The following PARP6 variants were observed in gnomAD, a reference collection of about 807,000 sequenced individuals.
PARP6 encodes the protein protein mono-ADP-ribosyltransferase PARP6.
PARP6 carries 27 observed loss-of-function variants against 92.0 expected under a neutral mutation model. The ratio of observed to expected loss-of-function variants is 0.29; its 90% CI spans 0.22 to 0.40. The LOEUF is 0.40. Ranked by LOEUF, PARP6 falls within the 10% of genes least tolerant of loss-of-function variation. The probability of loss-of-function intolerance (pLI) is 1.00; values close to 1 mark genes in which losing one functional copy is unlikely to be tolerated. For missense variants in PARP6, 501 were observed against 784.5 expected (o/e 0.64, Z 4.32); for synonymous variants, 272 against 281.2 (o/e 0.97, Z 0.33).
At chr15:72,249,993 A>C (rs1447689770) in intron 19 of PARP6, 27 bp downstream of exon 19, 1 of 1,481,052 alleles carries the variant, frequency 6.8e-7, no homozygotes, top group Non-Finnish European at 9.4e-7. Flanking sequence ...GCGGTTAGAA[A>C]TAAAGGAGAA....
At chr15:72,264,493 A>C (rs561838067) in intron 8 of PARP6, 62 bp downstream of exon 8, 2 of 1,251,146 alleles carry the variant, frequency 1.6e-6, no homozygotes, top group East Asian at 2.3e-5. Context: ...GTCCATCCAT[A>C]TATTTCCACC....
chr15:72,267,038 G>T, intron 3 of PARP6: 1 of 539,670 alleles, frequency 1.9e-6, no homozygotes, highest in Non-Finnish European at 3.3e-6. Flanking sequence ...TAGTGGGACA[G>T]AGGAAAACAT....
intron 8 of PARP6, 27 bp from the exon 9 acceptor site, chr15:72,261,734 G>T (rs2085917170): frequency 1.2e-6 from 2 of 1,610,086 alleles, no homozygotes; most frequent in Non-Finnish European, 1.7e-6. Context: ...AATGAGCTTA[G>T]GCAAGATGAG....
Position 72,242,288 on chromosome 15 carries a change from G to A in PARP6, c.1642-68C>T, listed in dbSNP as rs2083143959. ...GGTACAGCTTTCCCTAGAGAGGCTG[G>A]TTAGCTGATGATTGGGAGTGGGGAT... On this transcript the variant is annotated intron_variant, in intron 21 of 23. Coordinates refer to ENST00000569795, the MANE Select transcript of PARP6 (RefSeq NM_001323532.2). The surrounding 1 kb of genome is among the most constrained non-coding windows in gnomAD (Gnocchi z 4.3). 4.0e-6 allele frequency: 5 copies of A among 1,258,398 alleles called. 1 individual carries two copies. The highest frequency in any genetic ancestry group is 5.8e-6 in the Non-Finnish European group (5 of 860,286). The allele number at this position is 1,258,398 out of a possible 1,614,324, so 78.0% of individuals were successfully genotyped here.
intron 17 of PARP6, 54 bp from the exon 18 acceptor site, chr15:72,251,008 G>C: frequency 1.5e-6 from 2 of 1,341,092 alleles, no homozygotes; most frequent in Non-Finnish European, 2.1e-6. Flanking sequence ...ATCGAGATCA[G>C]GGAGGGAAGG....
In PARP6 at chr15:72,250,825, C is replaced by A; in HGVS notation, c.1418+20G>T. On this transcript the variant is annotated intron_variant, in intron 18 of 23. Transcript: ENST00000569795. ...CCCGCCCCCTCACCACCCCCACTGC[C>A]CAGCCCCCAGCCTCCTCACTGGAAG... 7.0e-7 allele frequency: 1 copy of A among 1,435,880 alleles called. No homozygotes were observed. The highest frequency in any genetic ancestry group is 1.2e-5 in the South Asian group (1 of 83,986). 88.9% of individuals were successfully genotyped at this position (1,435,880 alleles called of 1,614,324 possible).
intron 8 of PARP6, among the ~76,000 whole-genome samples, chr15:72,263,766 A>T (rs1470378530): frequency 6.6e-6 from 1 of 152,190 alleles, no homozygotes; most frequent in Non-Finnish European, 1.5e-5. Context: ...TCACACCTGT[A>T]ATCTCAGCAC....
In PARP6 at chr15:72,250,925, G is replaced by A. The variant is rs545125174; in HGVS notation, c.1338C>T (p.Phe446=). 6.1e-5 allele frequency: 98 copies of A among 1,613,486 alleles called. No homozygotes were observed. The highest frequency in any genetic ancestry group is 8.1e-5 in the Non-Finnish European group (95 of 1,179,692). ...RLKFMHTSHQ[F]LLLSSPPAKE... Reference sequence around the variant, plus strand: ...TGGCAGGAGGGCTGCTCAGCAGGAGGAACTGGTGTGAGGTGTGCATGAACT... The same window carrying A: ...TGGCAGGAGGGCTGCTCAGCAGGAGAAACTGGTGTGAGGTGTGCATGAACT... The change falls in exon 18 of 24, where the codon TTC becomes TTT. Residue 446 remains phenylalanine (F), a synonymous_variant. Coordinates refer to ENST00000569795, the MANE Select transcript of PARP6 (RefSeq NM_001323532.2).
chr15:72,269,326 A>T (rs1474614910), intron 2 of PARP6, among the ~76,000 whole-genome samples: 1 of 151,942 alleles, frequency 6.6e-6, no homozygotes, highest in East Asian at 1.9e-4. Context: ...ATGCCCAGCT[A>T]ATTTTTGTAT....
rs754715348 is a variant in PARP6 at position 72,249,244 on chromosome 15, C to G, written c.1561+1G>C. On this transcript the variant is annotated splice_donor_variant, in intron 20 of 23. Transcript: ENST00000569795. LOFTEE classifies it high-confidence loss of function. ...CAAGGTGGCCACAGAATATTTCTTACCTGAGTATCCAAAGGAAATACTGGA... is the reference window on the plus strand; with the variant it reads ...CAAGGTGGCCACAGAATATTTCTTAGCTGAGTATCCAAAGGAAATACTGGA... 6.3e-7 allele frequency: 1 copy of G among 1,580,130 alleles called. No individual in the cohort carries two copies. The highest frequency in any genetic ancestry group is 8.7e-7 in the Non-Finnish European group (1 of 1,151,074).
chr15:72,241,396 C>A lies in PARP6; in HGVS notation c.*59G>T. On this transcript the variant is annotated 3_prime_UTR_variant, in exon 24 of 24. Coordinates refer to ENST00000569795, the MANE Select transcript of PARP6 (RefSeq NM_001323532.2). This position sits in a 1 kb window ranked among gnomAD's most constrained non-coding sequence, Gnocchi z 4.1. ...CAGCCTCAGCTGCTGTACCTGAACA[C>A]TTTTATGAGGGCAGATGGATCCTGG... 8.0e-7 allele frequency: 1 copy of A among 1,242,266 alleles called. No individual in the cohort carries two copies. The highest frequency in any genetic ancestry group is 1.2e-6 in the Non-Finnish European group (1 of 843,420). 77.0% of individuals were successfully genotyped at this position (1,242,266 alleles called of 1,614,324 possible).
Position 72,258,124 on chromosome 15 carries a change from C to A in PARP6, c.819G>T (p.Lys273Asn). The A allele has an allele frequency of 3.1e-6, 5 of 1,609,654 alleles. No individual in the cohort carries two copies. The highest frequency in any genetic ancestry group is 2.6e-6 in the Non-Finnish European group (3 of 1,175,844). The change falls in exon 12 of 24, where the codon AAG becomes AAT. Residue 273 changes from lysine to asparagine, a missense_variant. By Grantham distance (94) the Lys-to-Asn change is moderately conservative (BLOSUM62 0). Around this residue, in one of 4 missense-constraint regions of PARP6, gnomAD observed 291 missense variants for 352.0 expected, o/e 0.83. Transcript: ENST00000569795. The part of the protein sequence containing the change: ...LEYGFLVQIM[K>N]YAEQRIPTLN... ...ATGTTGGAATCCTCTGTTCTGCATACTTCATGATCTGAGAAAACAACAGAT... is the reference window on the plus strand; with the variant it reads ...ATGTTGGAATCCTCTGTTCTGCATAATTCATGATCTGAGAAAACAACAGAT...
Position 72,267,483 on chromosome 15 carries a change from C to G in PARP6, c.-6G>C, listed in dbSNP as rs1436154229. ...GGGCAGTCAGTTCTCACCATTGGGT[C>G]AGTGGGTCACACACACTCTCAGGTC... On this transcript the variant is annotated 5_prime_UTR_variant, in exon 3 of 24. Transcript: ENST00000569795. 1.2e-6 allele frequency: 2 copies of G among 1,613,798 alleles called. No individual in the cohort carries two copies. The highest frequency in any genetic ancestry group is 2.7e-5 in the African/African-American group (2 of 74,884).
chr15:72,251,462 C>T (rs576222484), intron 16 of PARP6: 5 of 416,950 alleles, frequency 1.2e-5, no homozygotes, highest in African/African-American at 4.3e-5. Flanking sequence ...AAGGTAGTGA[C>T]CAGACACAAG....
At chr15:72,253,190 G>T (rs1452456193) in intron 16 of PARP6, among the ~76,000 whole-genome samples, 1 of 141,488 alleles carries the variant, frequency 7.1e-6, no homozygotes, top group African/African-American at 2.6e-5. Flanking sequence ...AAAAAAAAAA[G>T]AAACAATTAA....
intron 15 of PARP6, chr15:72,253,724 G>T (rs1271207083): frequency 5.9e-6 from 4 of 676,878 alleles, no homozygotes; most frequent in Non-Finnish European, 1.1e-5. Context: ...AAAACAACAT[G>T]CAGGTGGGTC....
chr15:72,257,281 A>G, intron 13 of PARP6, 67 bp downstream of exon 13: 1 of 1,121,642 alleles, frequency 8.9e-7, no homozygotes, highest in Non-Finnish European at 1.4e-6. Flanking sequence ...AATTCCAAGA[A>G]TGAAATTGCT....
At chr15:72,246,142 A>G (rs138504637) in intron 20 of PARP6, among the ~76,000 whole-genome samples, 1 of 152,186 alleles carries the variant, frequency 6.6e-6, no homozygotes, top group East Asian at 1.9e-4. Context: ...GTTTCATAAC[A>G]CATTATTGTT....
chr15:72,245,656 C>T (rs1412411256), intron 20 of PARP6: 2 of 152,174 alleles, frequency 1.3e-5, no homozygotes. Flanking sequence ...TGATCTCTAA[C>T]TCCAATAGTA....
Sources: allele counts gnomAD v4.1 joint callset (sites outside exome capture counted in the v4.1 genomes callset), GRCh38; gene constraint gnomAD v4.1.1; regional missense constraint gnomAD v4.1.1; non-coding constraint Gnocchi (gnomAD v3.1); transcripts MANE v1.5; gene names NCBI Gene and HGNC (gene_info 2026-07-23, HGNC 2026-07-21).